Variants in NEXMIF observed in about 807,000 individuals in gnomAD.
The protein encoded by NEXMIF is neurite extension and migration factor.
Under a neutral mutation model 62.1 loss-of-function variants are expected in NEXMIF, and 8 were observed. The ratio of observed to expected loss-of-function variants is 0.13; its 90% CI spans 0.08 to 0.23. The LOEUF (loss-of-function observed/expected upper bound fraction) is 0.23. Among genes scored for constraint, NEXMIF ranks in the 10% least tolerant of loss-of-function variants. The pLI is 1.00. For synonymous variants in NEXMIF, 404 were observed against 416.6 expected, an observed-to-expected ratio of 0.97 and a Z score of 0.37; for missense variants, 976 against 1,113.3, an observed-to-expected ratio of 0.88 and a Z score of 1.75.
At chrX:74,749,478 G>A (rs2080135276) in intron 1 of NEXMIF, among the ~76,000 whole-genome samples, 1 of 110,442 alleles carries the variant, frequency 9.1e-6, no homozygotes, top group African/African-American at 3.3e-5. Context: ...TTTTCATTCT[G>A]TTCACTTCCC....
chrX:74,764,102 G>C (rs1171726650), intron 1 of NEXMIF, among the ~76,000 whole-genome samples: 2 of 111,461 alleles, frequency 1.8e-5, no homozygotes, highest in Non-Finnish European at 3.8e-5. Context: ...TTGGCTGTGG[G>C]TTTGTCATAG....
At chrX:74,883,405 T>A (rs1216907672) in intron 1 of NEXMIF, among the ~76,000 whole-genome samples, 1 of 110,385 alleles carries the variant, frequency 9.1e-6, no homozygotes, top group Admixed American at 9.6e-5. Flanking sequence ...TGAAAAAAAA[T>A]TAGATGAATG....
intron 1 of NEXMIF, among the ~76,000 whole-genome samples, chrX:74,800,926 A>G (rs1240000422): frequency 9.0e-6 from 1 of 111,435 alleles, no homozygotes; most frequent in Non-Finnish European, 1.9e-5. Flanking sequence ...AGCATCATAC[A>G]GAATAGTTAC....
chrX:74,855,661 G>A (rs765985100), intron 1 of NEXMIF, among the ~76,000 whole-genome samples: 1 of 112,099 alleles, frequency 8.9e-6, no homozygotes, highest in Non-Finnish European at 1.9e-5. Flanking sequence ...CTGACCCTGA[G>A]GTTCTAAGCA....
intron 1 of NEXMIF, among the ~76,000 whole-genome samples, chrX:74,753,888 C>T (rs1459961313): frequency 4.5e-5 from 5 of 112,068 alleles, no homozygotes; most frequent in Non-Finnish European, 9.4e-5. Flanking sequence ...TTAATAATGA[C>T]CAGTTAAGAT....
chrX:74,885,375 A>T lies in NEXMIF; in HGVS notation c.-48+39508T>A, dbSNP rs182513868. 3.0e-3 allele frequency among the ~76,000 whole-genome samples: 340 copies of T among 111,808 alleles called. 2 individuals are homozygous for T. Among genetic ancestry groups the T allele is most frequent in the African/African-American group, 0.011 (327 of 30,772 alleles). On this transcript the variant is annotated intron_variant, in intron 1 of 3. Transcript: ENST00000055682. ...ACCCTGGAGCTGGTTTTTTGAAAAG[A>T]TCAACAAAATTGATAGACCGCTAGC...
At chrX:74,914,067 T>C (rs764787960) in intron 1 of NEXMIF, among the ~76,000 whole-genome samples, 5 of 111,985 alleles carry the variant, frequency 4.5e-5, no homozygotes, top group Non-Finnish European at 9.4e-5. Context: ...ATTGTAGCAT[T>C]GTCTAATGTA....
chrX:74,922,050 A>C (rs1348956853), intron 1 of NEXMIF, among the ~76,000 whole-genome samples: 1 of 111,842 alleles, frequency 8.9e-6, no homozygotes, highest in African/African-American at 3.3e-5. Context: ...TCCTTCTCCT[A>C]TGCAAATACA....
chrX:74,746,149 C>T (rs1372651972), intron 1 of NEXMIF, among the ~76,000 whole-genome samples: 1 of 112,012 alleles, frequency 8.9e-6, no homozygotes, highest in East Asian at 2.8e-4. Context: ...TCTTCAAAAA[C>T]AAGGCAATTC....
At chrX:74,810,772 T>C (rs956179478) in intron 1 of NEXMIF, among the ~76,000 whole-genome samples, 1 of 111,679 alleles carries the variant, frequency 9.0e-6, no homozygotes, top group Non-Finnish European at 1.9e-5. Flanking sequence ...CGAAGAATCA[T>C]TCTAAAGATC....
intron 1 of NEXMIF, among the ~76,000 whole-genome samples, chrX:74,839,911 T>C (rs2080468690): frequency 8.9e-6 from 1 of 111,829 alleles, no homozygotes; most frequent in Non-Finnish European, 1.9e-5. Flanking sequence ...ATGATTTATA[T>C]TCCTCTGGGT....
rs758124330 is a variant in NEXMIF, at chrX:74,849,127, G to A, written c.-48+75756C>T. The stretch of plus-strand genomic sequence containing the variant: ...ATGGTACAACTTGGTCTTCCAGTAT[G>A]TCTGTTCAAGGTGGCTGACTGGAAG... On this transcript the variant is annotated intron_variant, in intron 1 of 3. Coordinates refer to ENST00000055682, the MANE Select transcript of NEXMIF (RefSeq NM_001008537.3). 3.6e-5 allele frequency among the ~76,000 whole-genome samples: 4 copies of A among 112,594 alleles called. No homozygotes were observed. In the South Asian group the frequency reaches 1.5e-3, roughly 42 times the overall value.
At chrX:74,759,683 A>G (rs1395277003) in intron 1 of NEXMIF, among the ~76,000 whole-genome samples, 1 of 111,600 alleles carries the variant, frequency 9.0e-6, no homozygotes, top group African/African-American at 3.3e-5. Context: ...ACTGTGTTGA[A>G]GATTAGATGG....
At chrX:74,851,304 T>C (rs970297302) in intron 1 of NEXMIF, among the ~76,000 whole-genome samples, 1 of 111,553 alleles carries the variant, frequency 9.0e-6, no homozygotes, top group African/African-American at 3.3e-5. Flanking sequence ...AGAAAACCTA[T>C]TGAACAAAAT....
At chrX:74,848,684 T>TA (rs373057682) in intron 1 of NEXMIF, among the ~76,000 whole-genome samples, 23 of 111,951 alleles carry the variant, frequency 2.1e-4, no homozygotes, top group Non-Finnish European at 2.8e-4. Flanking sequence ...TAGGTCTTGG[T>TA]AAAAAAAATG....
intron 1 of NEXMIF, among the ~76,000 whole-genome samples, chrX:74,830,031 T>C (rs1196403984): frequency 1.8e-5 from 2 of 111,756 alleles, no homozygotes; most frequent in African/African-American, 6.5e-5. Flanking sequence ...TTTCCTTTGC[T>C]GTACAGAATC....
intron 1 of NEXMIF, among the ~76,000 whole-genome samples, chrX:74,767,003 G>A (rs1329626857): frequency 8.9e-6 from 1 of 112,138 alleles, no homozygotes; most frequent in Admixed American, 9.4e-5. Flanking sequence ...CATGAGGTGG[G>A]TTCTCTGTGC....
intron 1 of NEXMIF, among the ~76,000 whole-genome samples, chrX:74,830,128 C>A (rs1188664078): frequency 8.9e-6 from 1 of 111,776 alleles, no homozygotes; most frequent in African/African-American, 3.2e-5. Context: ...TTTGCCCAGA[C>A]CAATGTCCTG....
intron 1 of NEXMIF, among the ~76,000 whole-genome samples, chrX:74,835,523 G>A (rs889211059): frequency 8.9e-6 from 1 of 112,108 alleles, no homozygotes; most frequent in Non-Finnish European, 1.9e-5. Flanking sequence ...ACTCATAAGA[G>A]GTACCACCTT....
Sources: gnomAD v4.1 joint callset for allele counts (sites outside exome capture counted in the v4.1 genomes callset) on GRCh38, gnomAD v4.1.1 for gene constraint, MANE v1.5 for transcripts, NCBI Gene and HGNC (gene_info 2026-07-23, HGNC 2026-07-21) for gene names.